FSHR: variants seen among roughly 807,000 people sequenced by gnomAD.
FSHR encodes follicle stimulating hormone receptor.
Under a neutral mutation model 52.1 loss-of-function variants are expected in FSHR, and 46 were observed. That is an observed-to-expected ratio of 0.88 (90% confidence interval 0.70 to 1.13). The LOEUF is 1.13. FSHR is among the 50% of genes most tolerant of loss of function. The pLI is 0.00. For missense variants in FSHR, 964 were observed against 834.6 expected (o/e 1.16, Z -1.91); for synonymous variants, 399 against 309.6 (o/e 1.29, Z -3.03).
chr2:48,962,406 G>T lies in FSHR; in HGVS notation c.*327C>A. On this transcript the variant is annotated 3_prime_UTR_variant, in exon 10 of 10. Transcript: ENST00000406846. ...GGTTTCCTCATTTGTAAAACTCCAA[G>T]AATAATCCCTGTCCTGCTTATTTAA... 1 of 298,334 alleles carries T rather than the reference G, an allele frequency of 3.4e-6. No homozygotes were observed. The highest frequency in any genetic ancestry group is 6.4e-6 in the Non-Finnish European group (1 of 157,082). 18.5% of individuals were successfully genotyped at this position (298,334 alleles called of 1,614,324 possible).
chr2:48,975,648 T>A (rs568157685), intron 8 of FSHR, among the ~76,000 whole-genome samples: 1 of 152,190 alleles, frequency 6.6e-6, no homozygotes, highest in East Asian at 1.9e-4. Flanking sequence ...AAATCTCCTC[T>A]TCTCTTATTT....
At chr2:49,048,446 C>A (rs1032564063) in intron 2 of FSHR, among the ~76,000 whole-genome samples, 20 of 152,102 alleles carry the variant, frequency 1.3e-4, no homozygotes, top group Admixed American at 7.9e-4. Context: ...AGGGAAAGGG[C>A]AGGATTAGTA....
Position 49,070,735 on chromosome 2 carries a change from T to A in FSHR, c.153-2445A>T, listed in dbSNP as rs115942717. Among the ~76,000 whole-genome samples, 1,409 of 152,288 alleles carry A rather than the reference T, an allele frequency of 9.3e-3. 22 individuals carry two copies. The highest frequency in any genetic ancestry group is 0.033 in the African/African-American group (1,356 of 41,562). On this transcript the variant is annotated intron_variant, in intron 1 of 9. Coordinates refer to ENST00000406846, the MANE Select transcript of FSHR (RefSeq NM_000145.4). The stretch of plus-strand genomic sequence containing the variant: ...AAGTAGTTCAAACTTATTAACATAA[T>A]TAAATATTTTTGATGCTTAAAATCT...
intron 1 of FSHR, among the ~76,000 whole-genome samples, chr2:49,146,428 G>C (rs1056027197): frequency 1.3e-5 from 2 of 151,984 alleles, no homozygotes; most frequent in African/African-American, 4.8e-5. Flanking sequence ...CCCCTGTTTA[G>C]TTATGAAATC....
chr2:49,088,596 TA>T (rs1260085819), intron 1 of FSHR, among the ~76,000 whole-genome samples: 2 of 152,224 alleles, frequency 1.3e-5, no homozygotes, highest in Non-Finnish European at 2.9e-5. Flanking sequence ...ATTGTGCCTC[TA>T]AAGCAGTTCT....
At chr2:49,044,594 A>C (rs1668590804) in intron 2 of FSHR, among the ~76,000 whole-genome samples, 1 of 152,142 alleles carries the variant, frequency 6.6e-6, no homozygotes, top group South Asian at 2.1e-4. Context: ...AGGTGTGCAG[A>C]AATGCTACTG....
chr2:49,052,806 T>G (rs1668919280), intron 2 of FSHR, among the ~76,000 whole-genome samples: 1 of 152,176 alleles, frequency 6.6e-6, no homozygotes, highest in African/African-American at 2.4e-5. Context: ...GGAAGGAACT[T>G]AAGTCATGTA....
intron 2 of FSHR, among the ~76,000 whole-genome samples, chr2:49,055,133 A>C (rs1669009485): frequency 6.6e-6 from 1 of 152,122 alleles, no homozygotes; most frequent in South Asian, 2.1e-4. Flanking sequence ...CAATTTAATC[A>C]AATCAGGAAA....
intron 1 of FSHR, among the ~76,000 whole-genome samples, chr2:49,078,695 A>C (rs905667): frequency 6.6e-6 from 1 of 151,926 alleles, no homozygotes; most frequent in Non-Finnish European, 1.5e-5. Flanking sequence ...AATCTATCAC[A>C]ATAAAAGTTT....
At chr2:49,119,466 TC>T (rs1238265608) in intron 1 of FSHR, among the ~76,000 whole-genome samples, 1 of 152,210 alleles carries the variant, frequency 6.6e-6, no homozygotes, top group African/African-American at 2.4e-5. Flanking sequence ...TAAAATATTT[TC>T]TTAATTTCCC....
At chr2:49,085,525 T>G (rs148612489) in intron 1 of FSHR, among the ~76,000 whole-genome samples, 2,546 of 152,334 alleles carry the variant, frequency 0.017, 39 homozygotes, top group Non-Finnish European at 0.024. Context: ...CTTCCAACTA[T>G]GTGGTCAATT....
At position 49,047,450 on chromosome 2, in the gene FSHR, G is replaced by T. The variant is rs536731081; in HGVS notation, c.224+20769C>A. On this transcript the variant is annotated intron_variant, in intron 2 of 9. Coordinates refer to ENST00000406846, the MANE Select transcript of FSHR (RefSeq NM_000145.4). ...GGATCTCTAAAGCACTAATGTCAGT[G>T]TGCTTACAGCACGATCACCCTGCTC... Among the ~76,000 whole-genome samples the T allele has an allele frequency of 7.9e-5, 12 of 152,352 alleles. No homozygotes were observed. The South Asian group carries it at 2.1e-3, about 26-fold the overall frequency.
intron 1 of FSHR, among the ~76,000 whole-genome samples, chr2:49,149,347 AC>A (rs1222759049): frequency 2.6e-5 from 4 of 152,058 alleles, no homozygotes; most frequent in Admixed American, 2.6e-4. Context: ...TAAAATACCT[AC>A]TTGTCAGGCA....
chr2:49,145,318 C>G (rs1672831302), intron 1 of FSHR, among the ~76,000 whole-genome samples: 1 of 152,022 alleles, frequency 6.6e-6, no homozygotes, highest in Admixed American at 6.6e-5. Flanking sequence ...TCCATTGAAC[C>G]CTATCATTAA....
chr2:48,977,330 A>T (rs576372450), intron 8 of FSHR, among the ~76,000 whole-genome samples: 1 of 152,326 alleles, frequency 6.6e-6, no homozygotes, highest in African/African-American at 2.4e-5. Context: ...CTTGATAGTC[A>T]TGCAGAAGAG....
Position 49,017,512 on chromosome 2 carries a change from C to G in FSHR, c.351G>C (p.Gln117His), listed in dbSNP as rs1472229763. Residue 117 changes from glutamine (Q) to histidine (H), a missense_variant, in exon 4 of 10, where the codon CAG becomes CAC. Transcript: ENST00000406846. ...NLLYINPEAF[Q>H]NLPNLQYLLI... The stretch of plus-strand genomic sequence containing the variant: ...ACAGATATTGAAGGTTGGGAAGGTT[C>G]TGGAAGGCCTCAGGGTTGATGTAGA... 4 of 1,613,376 alleles carry G rather than the reference C, an allele frequency of 2.5e-6. No individual in the cohort carries two copies. The South Asian group carries it at 4.4e-5, about 18-fold the overall frequency.
chr2:49,119,963 A>T (rs191981371), intron 1 of FSHR, among the ~76,000 whole-genome samples: 20 of 152,294 alleles, frequency 1.3e-4, no homozygotes, highest in African/African-American at 4.1e-4. Context: ...AGTGGGCTCT[A>T]TGACGGCTCT....
At chr2:49,018,476 G>C (rs1667575293) in intron 3 of FSHR, among the ~76,000 whole-genome samples, 2 of 152,172 alleles carry the variant, frequency 1.3e-5, no homozygotes, top group South Asian at 4.1e-4. Context: ...AGTACAGTCA[G>C]TGCTACATGG....
intron 4 of FSHR, among the ~76,000 whole-genome samples, chr2:49,005,106 T>C (rs1667032258): frequency 1.3e-5 from 2 of 152,122 alleles, no homozygotes; most frequent in Admixed American, 6.5e-5. Context: ...AATATGTTGA[T>C]ATAAATTGAT....
Sources: gnomAD v4.1 joint callset for allele counts (sites outside exome capture counted in the v4.1 genomes callset) on GRCh38, gnomAD v4.1.1 for gene constraint, MANE v1.5 for transcripts, NCBI Gene and HGNC (gene_info 2026-07-23, HGNC 2026-07-21) for gene names.